The following GALNT17 variants were observed in gnomAD, a reference collection of about 807,000 sequenced individuals.
The protein encoded by GALNT17 is UDP-GalNAc:polypeptide N-acetylgalactosaminyltransferase-like 3.
In GALNT17, 29 loss-of-function variants were observed where a neutral mutation model predicts 63.7. The observed-to-expected ratio is 0.46, with a 90% CI of 0.34 to 0.62. The LOEUF is 0.62. Among genes scored for constraint, GALNT17 ranks in the 20% least tolerant of loss-of-function variants. GALNT17 has a pLI of 0.01. For synonymous variants in GALNT17, 305 were observed against 318.3 expected (o/e 0.96, Z 0.45); for missense variants, 603 against 799.6 (o/e 0.75, Z 2.97).
chr7:71,387,450 C>G (rs766801272), intron 2 of GALNT17, among the ~76,000 whole-genome samples: 1 of 151,732 alleles, frequency 6.6e-6, no homozygotes, highest in Non-Finnish European at 1.5e-5. Context: ...CCCAGCCTCC[C>G]AAGTAGCTGT....
At chr7:71,170,556 G>T (rs542600902) in intron 1 of GALNT17, among the ~76,000 whole-genome samples, 29 of 152,032 alleles carry the variant, frequency 1.9e-4, no homozygotes, top group Non-Finnish European at 3.7e-4. Flanking sequence ...GGCTGGTTTT[G>T]AACTCCTGAC....
At chr7:71,515,019 T>C (rs1217595126) in intron 5 of GALNT17, among the ~76,000 whole-genome samples, 1 of 152,244 alleles carries the variant, frequency 6.6e-6, no homozygotes, top group Non-Finnish European at 1.5e-5. Context: ...TTTCATTCTC[T>C]CTTGCCTCCT....
chr7:71,294,617 A>C (rs147799304), intron 1 of GALNT17, among the ~76,000 whole-genome samples: 7,394 of 151,896 alleles, frequency 0.049, 239 homozygotes, highest in Non-Finnish European at 0.07. Flanking sequence ...GTTTCACCAT[A>C]TTGGCCAGGC....
At position 71,183,360 on chromosome 7, in the gene GALNT17, T is replaced by C. The variant is rs556962857; in HGVS notation, c.238+50320T>C. Among the ~76,000 whole-genome samples, 3 of 152,234 alleles carry C rather than the reference T, an allele frequency of 2.0e-5. No homozygotes were observed. The South Asian group carries it at 6.2e-4, about 32-fold the overall frequency. On this transcript the variant is annotated intron_variant, in intron 1 of 10. Coordinates refer to ENST00000333538, the MANE Select transcript of GALNT17 (RefSeq NM_022479.3). ...CCACTGATCTTGGCCTGGTGTGCTA[T>C]TTGGACACACAATTGCTGTCTTCCC...
intron 1 of GALNT17, among the ~76,000 whole-genome samples, chr7:71,307,056 T>C (rs1175648335): frequency 6.6e-6 from 1 of 152,114 alleles, no homozygotes; most frequent in African/African-American, 2.4e-5. Context: ...ACTCCTGACC[T>C]CAAGTGATCT....
chr7:71,433,748 G>A (rs935637546), intron 5 of GALNT17, among the ~76,000 whole-genome samples: 1 of 152,172 alleles, frequency 6.6e-6, no homozygotes, highest in African/African-American at 2.4e-5. Context: ...TCCTGAGTGG[G>A]AATTTAGAAA....
At chr7:71,343,634 A>T (rs1199739082) in intron 2 of GALNT17, among the ~76,000 whole-genome samples, 1 of 152,108 alleles carries the variant, frequency 6.6e-6, no homozygotes, top group Non-Finnish European at 1.5e-5. Context: ...AAAAGATATT[A>T]TCCCTCAGAA....
At chr7:71,211,417 A>T (rs1454792273) in intron 1 of GALNT17, among the ~76,000 whole-genome samples, 2 of 152,196 alleles carry the variant, frequency 1.3e-5, no homozygotes, top group Non-Finnish European at 2.9e-5. Flanking sequence ...TGGAACTGTA[A>T]GTCCAGTTAA....
chr7:71,450,263 G>A (rs1425741513), intron 5 of GALNT17, among the ~76,000 whole-genome samples: 1 of 151,690 alleles, frequency 6.6e-6, no homozygotes, highest in Non-Finnish European at 1.5e-5. Flanking sequence ...AGCCTCGCGA[G>A]TAGTGGCATT....
chr7:71,300,675 C>CA (rs565979597), intron 1 of GALNT17: 20 of 250,346 alleles, frequency 8.0e-5, no homozygotes, highest in African/African-American at 4.4e-4. Context: ...AATTGCGCAT[C>CA]ATATTTCTAA....
chr7:71,401,080 C>G (rs1793230344), intron 3 of GALNT17, among the ~76,000 whole-genome samples: 3 of 149,426 alleles, frequency 2.0e-5, no homozygotes, highest in Non-Finnish European at 4.4e-5. Flanking sequence ...CCTCAATACT[C>G]TTTTCTTTTT....
intron 2 of GALNT17, among the ~76,000 whole-genome samples, chr7:71,360,182 C>T (rs1186429650): frequency 2.0e-5 from 3 of 152,204 alleles, no homozygotes; most frequent in African/African-American, 7.2e-5. Flanking sequence ...GAAAATCCCA[C>T]AGTACTGAAG....
chr7:71,575,832 A>G (rs1175693736), intron 6 of GALNT17, among the ~76,000 whole-genome samples: 1 of 152,222 alleles, frequency 6.6e-6, no homozygotes, highest in Non-Finnish European at 1.5e-5. Flanking sequence ...GTGAACAAAA[A>G]TAGCAGTTGA....
intron 5 of GALNT17, among the ~76,000 whole-genome samples, chr7:71,529,060 G>A (rs533921738): frequency 2.6e-5 from 4 of 152,106 alleles, no homozygotes; most frequent in African/African-American, 7.2e-5. Context: ...ACTTGAACCC[G>A]GGAGGCAGAG....
At chr7:71,622,596 T>C (rs996534191) in intron 6 of GALNT17, among the ~76,000 whole-genome samples, 2 of 152,112 alleles carry the variant, frequency 1.3e-5, no homozygotes, top group African/African-American at 4.8e-5. Flanking sequence ...TATGTCACTT[T>C]AGGATCTAAC....
intron 5 of GALNT17, among the ~76,000 whole-genome samples, chr7:71,453,170 G>T (rs1440113235): frequency 6.6e-6 from 1 of 152,140 alleles, no homozygotes; most frequent in Non-Finnish European, 1.5e-5. Context: ...GTTGCGAGTG[G>T]CTGCCTGGGT....
At chr7:71,511,532 G>A (rs1043594246) in intron 5 of GALNT17, among the ~76,000 whole-genome samples, 40 of 152,138 alleles carry the variant, frequency 2.6e-4, no homozygotes, top group African/African-American at 9.4e-4. Context: ...ATGGATTCCT[G>A]CAAGGCTTCT....
At chr7:71,561,679 A>T (rs1323997249) in intron 5 of GALNT17, among the ~76,000 whole-genome samples, 1 of 152,154 alleles carries the variant, frequency 6.6e-6, no homozygotes, top group Non-Finnish European at 1.5e-5. Flanking sequence ...GAGAACAGAG[A>T]CCAACGGGTG....
At chr7:71,184,135 C>T (rs1407222786) in intron 1 of GALNT17, among the ~76,000 whole-genome samples, 1 of 152,164 alleles carries the variant, frequency 6.6e-6, no homozygotes, top group African/African-American at 2.4e-5. Flanking sequence ...TTATGAAAGG[C>T]AATGGAAGAA....
Sources: gnomAD v4.1 joint callset for allele counts (sites outside exome capture counted in the v4.1 genomes callset) on GRCh38, gnomAD v4.1.1 for gene constraint, MANE v1.5 for transcripts, NCBI Gene and HGNC (gene_info 2026-07-23, HGNC 2026-07-21) for gene names.